KCNH1: variants seen among roughly 807,000 people sequenced by gnomAD.
The protein encoded by KCNH1 is potassium voltage-gated channel subfamily H member 1, also known as voltage-gated delayed rectifier potassium channel KCNH1.
Under a neutral mutation model 69.2 loss-of-function variants are expected in KCNH1, and 27 were observed. The ratio of observed to expected loss-of-function variants is 0.39; its 90% CI spans 0.29 to 0.54. KCNH1 has a LOEUF of 0.54. Among genes scored for constraint, KCNH1 ranks in the 20% least tolerant of loss-of-function variants. The pLI is 0.68. For synonymous variants in KCNH1, 456 were observed against 487.7 expected (o/e 0.93, Z 0.86); for missense variants, 798 against 1,261.6 (o/e 0.63, Z 5.57).
intron 6 of KCNH1, among the ~76,000 whole-genome samples, chr1:210,972,064 C>CT (rs1050531743): frequency 6.6e-6 from 1 of 152,112 alleles, no homozygotes; most frequent in Non-Finnish European, 1.5e-5. Flanking sequence ...TGTGAGCACT[C>CT]TAAGTTCTAT....
intron 7 of KCNH1, among the ~76,000 whole-genome samples, chr1:210,850,568 G>T (rs1685679384): frequency 6.6e-6 from 1 of 152,134 alleles, no homozygotes; most frequent in Non-Finnish European, 1.5e-5. Flanking sequence ...GCAGAACCCA[G>T]AAATTAACTG....
At chr1:210,818,592 T>C (rs991927629) in intron 7 of KCNH1, among the ~76,000 whole-genome samples, 2 of 152,192 alleles carry the variant, frequency 1.3e-5, no homozygotes, top group African/African-American at 4.8e-5. Context: ...TTAAATTTGA[T>C]GATATATATA....
At chr1:211,006,529 C>T (rs1689288265) in intron 6 of KCNH1, among the ~76,000 whole-genome samples, 1 of 152,096 alleles carries the variant, frequency 6.6e-6, no homozygotes, top group African/African-American at 2.4e-5. Context: ...AATCAAGTTG[C>T]TCTGGGGGAG....
chr1:210,987,932 A>C lies in KCNH1; in HGVS notation c.1032+30851T>G, dbSNP rs924689524. On this transcript the variant is annotated intron_variant, in intron 6 of 10. Coordinates refer to ENST00000271751, the MANE Select transcript of KCNH1 (RefSeq NM_172362.3). The stretch of plus-strand genomic sequence containing the variant: ...TCCTTGAGCTGTAGTGGGCTCCACC[A>C]AGTTCGAGGTTCCTGGCTGCTTTGT... Among the ~76,000 whole-genome samples, 7 of 152,318 alleles carry C rather than the reference A, an allele frequency of 4.6e-5. No homozygotes were observed. In the East Asian group the frequency reaches 5.8e-4, roughly 13 times the overall value.
At chr1:210,882,704 G>A (rs1448324833) in intron 7 of KCNH1, among the ~76,000 whole-genome samples, 1 of 152,138 alleles carries the variant, frequency 6.6e-6, no homozygotes, top group South Asian at 2.1e-4. Context: ...AACATAAGGA[G>A]GATGAGGAGT....
At chr1:211,131,054 C>T (rs1161922080) in intron 1 of KCNH1, among the ~76,000 whole-genome samples, 2 of 151,878 alleles carry the variant, frequency 1.3e-5, no homozygotes, top group Non-Finnish European at 2.9e-5. Flanking sequence ...CATGGTGTAC[C>T]ATAAAGAATC....
At chr1:210,695,643 C>A (rs1681622504) in intron 10 of KCNH1, among the ~76,000 whole-genome samples, 1 of 152,234 alleles carries the variant, frequency 6.6e-6, no homozygotes, top group Admixed American at 6.5e-5. Flanking sequence ...TGTCACACAG[C>A]AAACATTCAG....
chr1:210,775,222 A>G (rs1683838011), intron 10 of KCNH1, 126 bp downstream of exon 10: 1 of 769,866 alleles, frequency 1.3e-6, no homozygotes, highest in East Asian at 2.7e-5. Flanking sequence ...CAAACAACAA[A>G]CAGATCCTCT....
intron 1 of KCNH1, among the ~76,000 whole-genome samples, chr1:211,129,211 C>CAGAT (rs1691834073): frequency 6.6e-6 from 1 of 152,086 alleles, no homozygotes; most frequent in African/African-American, 2.4e-5. Context: ...GTGTATAAAG[C>CAGAT]AGATACTCTA....
chr1:210,870,310 A>G (rs1182704450), intron 7 of KCNH1, among the ~76,000 whole-genome samples: 1 of 151,942 alleles, frequency 6.6e-6, no homozygotes, highest in African/African-American at 2.4e-5. Context: ...TTCCATCCTC[A>G]CCCCCACACC....
chr1:211,117,224 T>G (rs1416081850), intron 1 of KCNH1, among the ~76,000 whole-genome samples: 1 of 152,228 alleles, frequency 6.6e-6, no homozygotes, highest in Non-Finnish European at 1.5e-5. Context: ...TCAGGTCTCC[T>G]ACTCTATGTT....
intron 1 of KCNH1, among the ~76,000 whole-genome samples, chr1:211,113,337 G>A (rs371515803): frequency 4.5e-4 from 68 of 152,236 alleles, no homozygotes; most frequent in East Asian, 4.3e-3. Context: ...TATGAATACC[G>A]TTATTGTAGT....
intron 10 of KCNH1, among the ~76,000 whole-genome samples, chr1:210,749,189 A>G (rs1051876769): frequency 2.0e-5 from 3 of 152,160 alleles, no homozygotes; most frequent in African/African-American, 7.2e-5. Flanking sequence ...CTAATAAGAA[A>G]GTTCTTCAGT....
In KCNH1 at chr1:210,846,971, G is replaced by A. The variant is rs569972783; in HGVS notation, c.1463-42805C>T. On this transcript the variant is annotated intron_variant, in intron 7 of 10. Coordinates refer to ENST00000271751, the MANE Select transcript of KCNH1 (RefSeq NM_172362.3). Reference sequence around the variant, plus strand: ...AGACATTTATGCAGACAAAAAACACGTGAAAAAATGCTCACCATCACTGGC... The same window carrying A: ...AGACATTTATGCAGACAAAAAACACATGAAAAAATGCTCACCATCACTGGC... Among the ~76,000 whole-genome samples the A allele has an allele frequency of 1.4e-3, 209 of 152,198 alleles. 1 individual carries two copies. Among genetic ancestry groups the A allele is most frequent in the East Asian group, 3.7e-3 (19 of 5,172 alleles).
intron 4 of KCNH1, among the ~76,000 whole-genome samples, chr1:211,086,897 A>T (rs1007951078): frequency 6.6e-6 from 1 of 152,226 alleles, no homozygotes; most frequent in Admixed American, 6.5e-5. Flanking sequence ...CACAAGGTAC[A>T]GCATGGAGAG....
Position 211,111,329 on chromosome 1 carries a change from G to A in KCNH1, c.80-3952C>T, listed in dbSNP as rs368389070. ...TCCCACCGTCTGGGAAGTCAGGAGC[G>A]CCTCTGCCCGGCCCCCCCACCGTCT... On this transcript the variant is annotated intron_variant, in intron 1 of 10. Transcript: ENST00000271751. 3.3e-5 allele frequency among the ~76,000 whole-genome samples: 5 copies of A among 150,946 alleles called. No individual in the cohort carries two copies. In the East Asian group the frequency reaches 9.9e-4, roughly 30 times the overall value.
chr1:210,801,808 A>G lies in KCNH1; in HGVS notation c.1662+2159T>C, dbSNP rs371374083. ...CAGAAACAATAGGCGTAGTTGGGGC[A>G]GGTGGTTGGCAAAAGCAGCGACTAA... On this transcript the variant is annotated intron_variant, in intron 8 of 10. Transcript: ENST00000271751. 1.8e-4 allele frequency among the ~76,000 whole-genome samples: 27 copies of G among 152,248 alleles called. 1 individual carries two copies. Among genetic ancestry groups the G allele is most frequent in the Admixed American group, 1.7e-3 (26 of 15,292 alleles).
chr1:210,839,033 A>G (rs1251060536), intron 7 of KCNH1, among the ~76,000 whole-genome samples: 1 of 152,232 alleles, frequency 6.6e-6, no homozygotes, highest in Non-Finnish European at 1.5e-5. Flanking sequence ...CAGAAATACC[A>G]TTTGATCCAG....
At position 210,720,277 on chromosome 1, in the gene KCNH1, G is replaced by A. The variant is rs927655752; in HGVS notation, c.2113-36139C>T. Among the ~76,000 whole-genome samples, 14 of 152,282 alleles carry A rather than the reference G, an allele frequency of 9.2e-5. No homozygotes were observed. The East Asian group carries it at 1.7e-3, about 19-fold the overall frequency. Reference sequence around the variant, plus strand: ...TGTGTAGAAAGTGAGGTATGGGAACGGGAATTGAGGACTTCATTGCATTAT... The same window carrying A: ...TGTGTAGAAAGTGAGGTATGGGAACAGGAATTGAGGACTTCATTGCATTAT... On this transcript the variant is annotated intron_variant, in intron 10 of 10. Transcript: ENST00000271751.
Sources: allele counts gnomAD v4.1 joint callset (sites outside exome capture counted in the v4.1 genomes callset), GRCh38; gene constraint gnomAD v4.1.1; transcripts MANE v1.5; gene names NCBI Gene and HGNC (gene_info 2026-07-23, HGNC 2026-07-21).